The following FAP variants were observed in gnomAD, a reference collection of about 807,000 sequenced individuals.
FAP encodes the protein prolyl endopeptidase FAP.
FAP carries 110 observed loss-of-function variants against 126.5 expected under a neutral mutation model. The ratio of observed to expected loss-of-function variants is 0.87; its 90% CI spans 0.74 to 1.02. FAP has a LOEUF of 1.02. FAP is among the 50% of genes least tolerant of loss of function. The pLI is 0.00. For synonymous variants in FAP, 334 were observed against 297.3 expected (o/e 1.12, Z -1.27); for missense variants, 919 against 909.2 (o/e 1.01, Z -0.14).
chr2:162,225,684 C>T (rs1689616074), intron 3 of FAP, 107 bp from the exon 4 acceptor site: 13 of 1,109,248 alleles, frequency 1.2e-5, no homozygotes, highest in Non-Finnish European at 1.5e-5. Context: ...TTTTTCCTCT[C>T]TGTCCAGTAC....
chr2:162,224,399 T>G (rs878890691), intron 5 of FAP, 67 bp downstream of exon 5: 23 of 973,918 alleles, frequency 2.4e-5, no homozygotes, highest in African/African-American at 2.0e-4. Context: ...TTCTCTCACT[T>G]TTTTTAAACC....
intron 2 of FAP, among the ~76,000 whole-genome samples, chr2:162,232,311 G>A (rs538656328): frequency 4.6e-5 from 7 of 152,272 alleles, no homozygotes; most frequent in African/African-American, 1.7e-4. Context: ...TTACAGATTA[G>A]GAAATGAAAA....
At position 162,226,604 on chromosome 2, in the gene FAP, T is replaced by C. The variant is rs771849413; in HGVS notation, c.109A>G (p.Asn37Asp). 1.3e-6 allele frequency: 2 copies of C among 1,586,926 alleles called. No individual in the cohort carries two copies. The highest frequency in any genetic ancestry group is 1.7e-6 in the Non-Finnish European group (2 of 1,163,830). ...TTCAGTGTGAGTGCTCTCATTGTAT[T>C]TTCTTCAGAGTTATGAACTTTGGGG... Reference protein sequence around the residue: ...RPSRVHNSEENTMRALTLKDI... With the variant: ...RPSRVHNSEEDTMRALTLKDI... Residue 37 changes from asparagine (N) to aspartate (D), a missense_variant, in exon 3 of 26, where the codon AAT (asparagine) becomes GAT (aspartate). Coordinates refer to ENST00000188790, the MANE Select transcript of FAP (RefSeq NM_004460.5).
chr2:162,202,501 A>C (rs1688535502), intron 14 of FAP, among the ~76,000 whole-genome samples: 1 of 152,264 alleles, frequency 6.6e-6, no homozygotes, highest in African/African-American at 2.4e-5. Context: ...CTTATATAAC[A>C]ATGAATCACT....
At chr2:162,216,026 A>C (rs773710088) in intron 9 of FAP, 25 bp from the exon 10 acceptor site, 2 of 1,533,688 alleles carry the variant, frequency 1.3e-6, no homozygotes, top group Admixed American at 3.6e-5. Context: ...GAGATATATA[A>C]GCTCATAAAA....
chr2:162,173,151 T>G lies in FAP; in HGVS notation c.2105A>C (p.Asp702Ala). ...TAAGAGTCTTGCTTAAACCTCACCA[T>G]CTGCTGTTCCGTGGATGAGAAGATA... is the stretch of plus-strand genomic sequence containing the variant. ...VDYLLIHGTADDNVHFQNSAQ... is the reference protein window; with the variant it reads ...VDYLLIHGTAADNVHFQNSAQ... The change falls in exon 24 of 26, where the codon GAT becomes GCT. Residue 702 changes from aspartate (D) to alanine (A), a missense_variant and splice_region_variant. Asp to Ala is a moderately radical substitution (Grantham distance 126). Transcript: ENST00000188790. The G allele has an allele frequency of 6.2e-7, 1 of 1,612,278 alleles. No homozygotes were observed. The highest frequency in any genetic ancestry group is 1.1e-5 in the South Asian group (1 of 91,030).
At chr2:162,203,522 A>T (rs1688579493) in intron 12 of FAP, among the ~76,000 whole-genome samples, 1 of 152,264 alleles carries the variant, frequency 6.6e-6, no homozygotes. Flanking sequence ...TCTGATGCTC[A>T]TTGACTATAC....
At chr2:162,194,851 A>G (rs1043526849) in intron 16 of FAP, 103 bp from the exon 17 acceptor site, 2 of 971,244 alleles carry the variant, frequency 2.1e-6, no homozygotes, top group Non-Finnish European at 1.7e-6. Context: ...AAGTGCCAGT[A>G]CATCTTTTAA....
chr2:162,238,084 ATTCTGG>A (rs1362582883), intron 2 of FAP, among the ~76,000 whole-genome samples: 1 of 151,078 alleles, frequency 6.6e-6, no homozygotes, highest in Non-Finnish European at 1.5e-5. Flanking sequence ...TTCTTTGTAG[ATTCTGG>A]ATATTAGCCC....
chr2:162,202,030 G>A (rs532648361), intron 14 of FAP, among the ~76,000 whole-genome samples: 8 of 152,248 alleles, frequency 5.3e-5, no homozygotes, highest in Admixed American at 2.0e-4. Flanking sequence ...ATAGATTTCC[G>A]ACAGGCTTTT....
chr2:162,177,384 A>C (rs1006130451), intron 21 of FAP, among the ~76,000 whole-genome samples: 10 of 152,096 alleles, frequency 6.6e-5, no homozygotes, highest in African/African-American at 2.2e-4. Context: ...TTATGGTCTC[A>C]CACAATCTGT....
chr2:162,223,473 A>G, intron 6 of FAP, 135 bp downstream of exon 6: 1 of 632,042 alleles, frequency 1.6e-6, no homozygotes, highest in Non-Finnish European at 2.8e-6. Flanking sequence ...ATGGGTACAT[A>G]CATACTGTAT....
chr2:162,219,229 G>C (rs200239654), intron 7 of FAP, 46 bp from the exon 8 acceptor site: 2 of 1,561,786 alleles, frequency 1.3e-6, no homozygotes, highest in Non-Finnish European at 1.7e-6. Context: ...TTAAATGAAG[G>C]CTGTATATTT....
intron 2 of FAP, among the ~76,000 whole-genome samples, chr2:162,238,047 T>G (rs199963511): frequency 6.6e-6 from 1 of 151,416 alleles, no homozygotes; most frequent in Non-Finnish European, 1.5e-5. Flanking sequence ...ATGGGATTGT[T>G]TTTTTTTTCT....
intron 7 of FAP, among the ~76,000 whole-genome samples, chr2:162,219,643 CT>C (rs2106276659): frequency 6.6e-6 from 1 of 152,210 alleles, no homozygotes; most frequent in African/African-American, 2.4e-5. Flanking sequence ...TTTTTGACTG[CT>C]ATATTTAAAG....
rs1028981173 is a variant in FAP, at chr2:162,224,369, G to C, written c.360+97C>G. On this transcript the variant is annotated intron_variant, in intron 5 of 25. Coordinates refer to ENST00000188790, the MANE Select transcript of FAP (RefSeq NM_004460.5). ...GGTGACGAGGGCCTGAATATTTAGA[G>C]ATAAAGACAGACTCTTGCTTTCTCT... 11 of 706,438 alleles carry C rather than the reference G, an allele frequency of 1.6e-5. No homozygotes were observed. In the African/African-American group the frequency reaches 2.0e-4, roughly 13 times the overall value. The allele number at this position is 706,438 out of a possible 1,614,324, so 43.8% of individuals were successfully genotyped here.
At chr2:162,232,055 G>T (rs561608933) in intron 2 of FAP, among the ~76,000 whole-genome samples, 1 of 152,036 alleles carries the variant, frequency 6.6e-6, no homozygotes, top group Admixed American at 6.6e-5. Context: ...GTTTGTTTCC[G>T]GAGTGAGCAC....
intron 17 of FAP, among the ~76,000 whole-genome samples, chr2:162,191,255 A>T (rs996127507): frequency 2.0e-5 from 3 of 152,140 alleles, no homozygotes; most frequent in Non-Finnish European, 4.4e-5. Context: ...TTCTATTCTT[A>T]GCTATCGAAC....
At chr2:162,242,496 T>TA (rs1210766863) in intron 2 of FAP, among the ~76,000 whole-genome samples, 4 of 152,152 alleles carry the variant, frequency 2.6e-5, no homozygotes, top group Non-Finnish European at 2.9e-5. Context: ...TATTTAGTAA[T>TA]AAAAAAAGTC....
Sources: gnomAD v4.1 joint callset for allele counts (sites outside exome capture counted in the v4.1 genomes callset) on GRCh38, gnomAD v4.1.1 for gene constraint, MANE v1.5 for transcripts, NCBI Gene and HGNC (gene_info 2026-07-23, HGNC 2026-07-21) for gene names.